Variants in EPS8L2 observed in about 807,000 individuals in gnomAD.
EPS8L2 encodes the protein EPS8 signaling adaptor L2.
A neutral mutation model predicts 99.4 loss-of-function variants in EPS8L2; 81 were observed. The ratio of observed to expected loss-of-function variants is 0.82; its 90% CI spans 0.68 to 0.98. EPS8L2 has a LOEUF of 0.98. Ranked by LOEUF, EPS8L2 falls within the 50% of genes least tolerant of loss-of-function variation. The pLI, the probability that EPS8L2 is intolerant of heterozygous loss-of-function variation, is 0.00. For missense variants in EPS8L2, 1,155 were observed against 968.8 expected, an observed-to-expected ratio of 1.19 and a Z score of -2.55; for synonymous variants, 509 against 407.3, an observed-to-expected ratio of 1.25 and a Z score of -3.01.
intron 1 of EPS8L2, among the ~76,000 whole-genome samples, chr11:707,935 G>A (rs186801771): frequency 3.9e-5 from 6 of 152,264 alleles, no homozygotes; most frequent in Admixed American, 1.3e-4. Flanking sequence ...CACTGAGCCC[G>A]TGAACATTCC....
At chr11:715,125 C>A (rs1353072284) in intron 4 of EPS8L2, among the ~76,000 whole-genome samples, 1 of 151,994 alleles carries the variant, frequency 6.6e-6, no homozygotes, top group Non-Finnish European at 1.5e-5. Flanking sequence ...GCCTGTAGTC[C>A]CAGCTACTCG....
At position 724,484 on chromosome 11, in the gene EPS8L2, G is replaced by A. The variant is rs1277264525; in HGVS notation, c.1455-240G>A. 1.8e-6 allele frequency: 1 copy of A among 546,926 alleles called. No homozygotes were observed. Among genetic ancestry groups the A allele is most frequent in the African/African-American group, 1.9e-5 (1 of 52,440 alleles). 33.9% of individuals were successfully genotyped at this position (546,926 alleles called of 1,614,324 possible). On this transcript the variant is annotated intron_variant, in intron 15 of 20. Coordinates refer to ENST00000318562, the MANE Select transcript of EPS8L2 (RefSeq NM_022772.4). The surrounding 1 kb of genome is among the most constrained non-coding windows in gnomAD (Gnocchi z 5.5). ...GATGGGCCAGCCTTGCTGTACCACAGGCCCCTGCGCCACGCCCACCTCCTG... is the reference window on the plus strand; with the variant it reads ...GATGGGCCAGCCTTGCTGTACCACAAGCCCCTGCGCCACGCCCACCTCCTG...
At chr11:726,540 G>A (rs1862330361) in intron 19 of EPS8L2, 56 bp downstream of exon 19, 1 of 1,506,358 alleles carries the variant, frequency 6.6e-7, no homozygotes, top group Non-Finnish European at 8.9e-7. Flanking sequence ...AGGTGCGGCC[G>A]AAGGTGCGCA....
intron 4 of EPS8L2, among the ~76,000 whole-genome samples, chr11:717,868 G>C (rs927107671): frequency 2.6e-5 from 4 of 152,054 alleles, no homozygotes; most frequent in Admixed American, 2.0e-4. Flanking sequence ...AATTAGCCGG[G>C]CGTGGTGGCA....
At position 720,626 on chromosome 11, in the gene EPS8L2, G is replaced by A. The variant is rs1195952801; in HGVS notation, c.357G>A (p.Thr119=). 3.1e-6 allele frequency: 5 copies of A among 1,599,932 alleles called. No homozygotes were observed. The highest frequency in any genetic ancestry group is 1.7e-6 in the Non-Finnish European group (2 of 1,175,042). ...AGCTGGAAGACTTCCCGCTGCCCAC[G>A]GTGCAGCGCAGCCAGACGGTCCTCA... is the stretch of plus-strand genomic sequence containing the variant. ...QEELEDFPLP[T]VQRSQTVLNQ... Residue 119 remains threonine, a synonymous_variant, in exon 6 of 21, where the codon ACG becomes ACA. Transcript: ENST00000318562.
chr11:716,956 G>A (rs1362565031), intron 4 of EPS8L2, among the ~76,000 whole-genome samples: 1 of 152,068 alleles, frequency 6.6e-6, no homozygotes, highest in South Asian at 2.1e-4. Context: ...AGTCCCTTGC[G>A]TGTTTCTGCA....
At position 726,453 on chromosome 11, in the gene EPS8L2, G is replaced by A. The variant is rs1222546058; in HGVS notation, c.1903G>A (p.Ala635Thr). ...TYESGPDEVR[A>T]WLEAKAFSPR... ...CGAGTCGGGTCCGGACGAGGTCCGC[G>A]CCTGGCTGGAAGCCAAGGCCTTCAG... is the stretch of plus-strand genomic sequence containing the variant. Residue 635 changes from alanine (A) to threonine (T), a missense_variant, in exon 19 of 21, where the codon GCC becomes ACC. Ala to Thr is a moderately conservative substitution (Grantham distance 58). Transcript: ENST00000318562. The A allele has an allele frequency of 3.2e-6, 5 of 1,581,740 alleles. No homozygotes were observed. Among genetic ancestry groups the A allele is most frequent in the Non-Finnish European group, 4.3e-6 (5 of 1,165,650 alleles).
intron 4 of EPS8L2, among the ~76,000 whole-genome samples, chr11:710,741 CGAAAGAGAGAAAGAGA>C (rs139916138): frequency 5.9e-5 from 9 of 151,554 alleles, no homozygotes; most frequent in African/African-American, 2.2e-4. Context: ...TGTCTCAAAA[CGAAAGAGAGAAAGAGA>C]GAAAGAGAGA....
At chr11:714,511 G>A (rs373800872) in intron 4 of EPS8L2, among the ~76,000 whole-genome samples, 17 of 151,968 alleles carry the variant, frequency 1.1e-4, no homozygotes, top group African/African-American at 3.9e-4. Context: ...GATTACAGGC[G>A]TGAGCCGCCG....
chr11:717,808 G>C (rs1428608539), intron 4 of EPS8L2, among the ~76,000 whole-genome samples: 3 of 151,856 alleles, frequency 2.0e-5, no homozygotes, highest in Non-Finnish European at 2.9e-5. Context: ...AGGAGATGGA[G>C]ACCATCCTGG....
chr11:720,494 C>T (rs1862127137), intron 5 of EPS8L2, 103 bp from the exon 6 acceptor site: 4 of 1,515,716 alleles, frequency 2.6e-6, no homozygotes, highest in Non-Finnish European at 3.6e-6. Context: ...TCCCCAGCGG[C>T]GCCAGAGGGG....
chr11:720,499 G>T (rs866506246), intron 5 of EPS8L2, 98 bp from the exon 6 acceptor site: 1 of 1,527,032 alleles, frequency 6.5e-7, no homozygotes, highest in South Asian at 1.2e-5. Context: ...AGCGGCGCCA[G>T]AGGGGCCTGT....
intron 16 of EPS8L2, among the ~76,000 whole-genome samples, chr11:725,092 T>G (rs539387967): frequency 6.6e-6 from 1 of 152,272 alleles, no homozygotes; most frequent in South Asian, 2.1e-4. Flanking sequence ...CTGCACCACG[T>G]GGACTCAGCG....
chr11:720,112 C>A lies in EPS8L2; in HGVS notation c.216C>A (p.Asp72Glu). 6.2e-7 allele frequency: 1 copy of A among 1,613,344 alleles called. No homozygotes were observed. Among genetic ancestry groups the A allele is most frequent in the Non-Finnish European group, 8.5e-7 (1 of 1,179,946 alleles). Residue 72 changes from aspartate to glutamate, a missense_variant, in exon 5 of 21, where the codon GAC becomes GAA. Asp to Glu is a conservative substitution (Grantham distance 45). Coordinates refer to ENST00000318562, the MANE Select transcript of EPS8L2 (RefSeq NM_022772.4). ...MDKSEAITSV[D>E]DAIRKLVQLS... ...AGAGCGAAGCCATCACGTCTGTGGACGACGCCATCCGGAAGCTGGTGCAGC... is the reference window on the plus strand; with the variant it reads ...AGAGCGAAGCCATCACGTCTGTGGAAGACGCCATCCGGAAGCTGGTGCAGC...
intron 4 of EPS8L2, among the ~76,000 whole-genome samples, chr11:715,086 CA>C (rs532191486): frequency 6.6e-6 from 1 of 152,046 alleles, no homozygotes; most frequent in African/African-American, 2.4e-5. Flanking sequence ...ACTAAAAATA[CA>C]AAAAATTAGC....
In EPS8L2 at chr11:722,446, T is replaced by G. The variant is rs373172978; in HGVS notation, c.1105T>G (p.Cys369Gly). ...CCCAGACATCGCACGCTCCGTCTCC[T>G]GCCCACTGCTCTCCCGAGATGCCGT... Reference protein sequence around the residue: ...SGPDIARSVSCPLLSRDAVDF... With the variant: ...SGPDIARSVSGPLLSRDAVDF... The change falls in exon 13 of 21, where the codon TGC becomes GGC. Residue 369 changes from cysteine to glycine, a missense_variant. Cys to Gly is a radical substitution (Grantham distance 159). Transcript: ENST00000318562. 1.5e-5 allele frequency: 24 copies of G among 1,613,494 alleles called. No homozygotes were observed. Among genetic ancestry groups the G allele is most frequent in the Non-Finnish European group, 2.0e-5 (24 of 1,179,914 alleles).
intron 1 of EPS8L2, among the ~76,000 whole-genome samples, chr11:707,017 G>A (rs1861741789): frequency 6.6e-6 from 1 of 151,920 alleles, no homozygotes; most frequent in Non-Finnish European, 1.5e-5. Context: ...GGAGGGGGAG[G>A]CAGGGCCGGG....
chr11:727,029 A>C lies in EPS8L2; in HGVS notation c.*48A>C. 1 of 1,236,934 alleles carries C rather than the reference A, an allele frequency of 8.1e-7. No homozygotes were observed. Among genetic ancestry groups the C allele is most frequent in the Non-Finnish European group, 1.2e-6 (1 of 846,662 alleles). 76.6% of individuals were successfully genotyped at this position (1,236,934 alleles called of 1,614,324 possible). A position where few individuals can be genotyped will look rare whatever the true frequency, so the allele number is the denominator to read the frequency against. ...CCTGCGGAGGGGAAGCCCACCCACA[A>C]TGCATGGAGTATTATTTTTATATGT... On this transcript the variant is annotated 3_prime_UTR_variant, in exon 21 of 21. Coordinates refer to ENST00000318562, the MANE Select transcript of EPS8L2 (RefSeq NM_022772.4).
At chr11:714,738 A>G (rs909856103) in intron 4 of EPS8L2, among the ~76,000 whole-genome samples, 4 of 151,610 alleles carry the variant, frequency 2.6e-5, no homozygotes, top group Admixed American at 2.0e-4. Context: ...ATGTTGAACC[A>G]GCCTAATCCT....
Sources: allele counts gnomAD v4.1 joint callset (sites outside exome capture counted in the v4.1 genomes callset), GRCh38; gene constraint gnomAD v4.1.1; non-coding constraint Gnocchi (gnomAD v3.1); transcripts MANE v1.5; gene names NCBI Gene and HGNC (gene_info 2026-07-23, HGNC 2026-07-21).